Variants in CTNNA3 observed in about 807,000 individuals in gnomAD.
CTNNA3 encodes the protein catenin alpha 3.
In CTNNA3, 76 loss-of-function variants were observed where a neutral mutation model predicts 95.7. The observed-to-expected ratio is 0.79, with a 90% CI of 0.66 to 0.96. CTNNA3 has a LOEUF of 0.96. Ranked by LOEUF, CTNNA3 falls within the 40% of genes least tolerant of loss-of-function variation. The pLI, the probability that CTNNA3 is intolerant of heterozygous loss-of-function variation, is 0.00. For synonymous variants in CTNNA3, 431 were observed against 374.4 expected, an observed-to-expected ratio of 1.15 and a Z score of -1.74; for missense variants, 1,191 against 1,089.8, an observed-to-expected ratio of 1.09 and a Z score of -1.31.
intron 3 of CTNNA3, among the ~76,000 whole-genome samples, chr10:67,583,936 T>C (rs981909233): frequency 6.6e-5 from 10 of 152,254 alleles, no homozygotes; most frequent in Admixed American, 1.3e-4. Flanking sequence ...TTCTCTATGC[T>C]GCTTATTCTA....
intron 11 of CTNNA3, among the ~76,000 whole-genome samples, chr10:66,388,034 T>C (rs867359631): frequency 6.6e-6 from 1 of 152,226 alleles, no homozygotes; most frequent in Middle Eastern, 3.4e-3. Context: ...ACATGGCACA[T>C]GTATACCTAT....
chr10:66,000,510 T>G (rs1361523752), intron 15 of CTNNA3, among the ~76,000 whole-genome samples: 3 of 152,198 alleles, frequency 2.0e-5, no homozygotes, highest in Non-Finnish European at 4.4e-5. Context: ...ACAGAAAGTT[T>G]AATTATATTA....
chr10:66,014,928 C>A (rs1268649441), intron 15 of CTNNA3, among the ~76,000 whole-genome samples: 3 of 151,924 alleles, frequency 2.0e-5, no homozygotes, highest in East Asian at 1.9e-4. Flanking sequence ...CATGGTGAAA[C>A]CCCGTCTCTA....
intron 5 of CTNNA3, among the ~76,000 whole-genome samples, chr10:67,280,968 C>T (rs1037568659): frequency 1.3e-5 from 2 of 152,030 alleles, no homozygotes; most frequent in South Asian, 2.1e-4. Flanking sequence ...TTTATTTTGG[C>T]AAAATGTGTC....
chr10:66,528,998 A>C (rs1349948485), intron 10 of CTNNA3, among the ~76,000 whole-genome samples: 1 of 152,124 alleles, frequency 6.6e-6, no homozygotes, highest in Non-Finnish European at 1.5e-5. Flanking sequence ...GATATTTGAC[A>C]GCATTTTAAA....
chr10:66,853,973 C>A (rs552764786), intron 7 of CTNNA3, among the ~76,000 whole-genome samples: 1 of 152,120 alleles, frequency 6.6e-6, no homozygotes, highest in Non-Finnish European at 1.5e-5. Flanking sequence ...AATAAAAAGC[C>A]GCTATTTAAC....
intron 7 of CTNNA3, among the ~76,000 whole-genome samples, chr10:66,994,177 A>T (rs959499041): frequency 1.1e-4 from 16 of 152,202 alleles, no homozygotes; most frequent in African/African-American, 3.9e-4. Flanking sequence ...TATAAAAACC[A>T]GTAAGTAATG....
At chr10:67,663,645 G>A (rs1367437020) in intron 1 of CTNNA3, among the ~76,000 whole-genome samples, 1 of 152,112 alleles carries the variant, frequency 6.6e-6, no homozygotes, top group Non-Finnish European at 1.5e-5. Context: ...CGCGGGTCTC[G>A]GTCTTCTTCA....
At chr10:66,035,214 G>A (rs934998723) in intron 15 of CTNNA3, among the ~76,000 whole-genome samples, 2 of 152,072 alleles carry the variant, frequency 1.3e-5, no homozygotes, top group African/African-American at 4.8e-5. Context: ...TAAATAGAAG[G>A]TGAGTGCATT....
chr10:67,302,924 AG>A (rs1840383892), intron 5 of CTNNA3, among the ~76,000 whole-genome samples: 5 of 152,226 alleles, frequency 3.3e-5, no homozygotes, highest in Admixed American at 3.3e-4. Context: ...GCAAGGGACA[AG>A]GAAAACATAG....
intron 9 of CTNNA3, among the ~76,000 whole-genome samples, chr10:66,764,342 C>T (rs1839753682): frequency 1.3e-5 from 2 of 152,110 alleles, no homozygotes; most frequent in South Asian, 4.2e-4. Context: ...AGGTAGCATT[C>T]CCAAGTGTTC....
At chr10:67,398,345 T>A (rs756523029) in intron 5 of CTNNA3, among the ~76,000 whole-genome samples, 2 of 152,258 alleles carry the variant, frequency 1.3e-5, no homozygotes, top group Non-Finnish European at 2.9e-5. Flanking sequence ...GACTGCCCTA[T>A]TGGATCTTGG....
At chr10:67,519,590 A>G (rs542591089) in intron 5 of CTNNA3, among the ~76,000 whole-genome samples, 33 of 152,138 alleles carry the variant, frequency 2.2e-4, no homozygotes, top group Non-Finnish European at 4.6e-4. Flanking sequence ...ACCACCAATA[A>G]TATTTACTGA....
At chr10:67,624,857 G>T (rs1843975379) in intron 2 of CTNNA3, among the ~76,000 whole-genome samples, 1 of 152,148 alleles carries the variant, frequency 6.6e-6, no homozygotes, top group African/African-American at 2.4e-5. Flanking sequence ...TGGGAGAAAA[G>T]CATTTGTATG....
chr10:67,353,837 C>T (rs1468560298), intron 5 of CTNNA3, among the ~76,000 whole-genome samples: 1 of 151,916 alleles, frequency 6.6e-6, no homozygotes, highest in East Asian at 1.9e-4. Context: ...AGAGTCATCA[C>T]TAAAGACTGG....
chr10:65,964,698 C>A (rs575965424), intron 17 of CTNNA3, among the ~76,000 whole-genome samples: 1 of 152,172 alleles, frequency 6.6e-6, no homozygotes, highest in East Asian at 1.9e-4. Context: ...TTAGACCTTA[C>A]AAAGCACGAT....
intron 17 of CTNNA3, among the ~76,000 whole-genome samples, chr10:65,921,527 C>T (rs1329348798): frequency 1.3e-5 from 2 of 152,216 alleles, no homozygotes. Context: ...TAGTCTAACT[C>T]CCTATAGTTT....
intron 5 of CTNNA3, among the ~76,000 whole-genome samples, chr10:67,373,751 T>C (rs1044846179): frequency 6.6e-6 from 1 of 152,212 alleles, no homozygotes; most frequent in Admixed American, 6.5e-5. Flanking sequence ...TGTTTTCTTA[T>C]ATATATAAAG....
intron 9 of CTNNA3, among the ~76,000 whole-genome samples, chr10:66,722,931 C>A (rs919756954): frequency 6.6e-6 from 1 of 152,080 alleles, no homozygotes; most frequent in East Asian, 1.9e-4. Flanking sequence ...GTGTCCCTTC[C>A]GTCCAATCAC....
Sources: allele counts gnomAD v4.1 joint callset (sites outside exome capture counted in the v4.1 genomes callset), GRCh38; gene constraint gnomAD v4.1.1; transcripts MANE v1.5; gene names NCBI Gene and HGNC (gene_info 2026-07-23, HGNC 2026-07-21).